Variants in ABCA9 observed in about 807,000 individuals in gnomAD.
ABCA9 encodes the protein ATP-binding cassette sub-family A member 9.
ABCA9 carries 183 observed loss-of-function variants against 205.3 expected under a neutral mutation model. The ratio of observed to expected loss-of-function variants is 0.89; its 90% CI spans 0.79 to 1.01. ABCA9 has a LOEUF of 1.01. Ranked by LOEUF, ABCA9 falls within the 50% of genes least tolerant of loss-of-function variation. The pLI is 0.00. For synonymous variants in ABCA9, 651 were observed against 683.3 expected, an observed-to-expected ratio of 0.95 and a Z score of 0.74; for missense variants, 1,805 against 1,912.4, an observed-to-expected ratio of 0.94 and a Z score of 1.05.
chr17:69,025,520 T>C (rs187206389), intron 16 of ABCA9, among the ~76,000 whole-genome samples: 9 of 152,100 alleles, frequency 5.9e-5, no homozygotes, highest in African/African-American at 1.2e-4. Flanking sequence ...GAGTATTCAA[T>C]AGAGGGTATT....
At position 68,975,895 on chromosome 17, in the gene ABCA9, GAT is replaced by G. The variant is rs1406540545; in HGVS notation, c.*18_*19del. ...TAAAAGAGTCACAGGATTAAAGAAA[GAT>G]ATAGGGTATTTGGAGCTTTAAGGCT... On this transcript the variant is annotated 3_prime_UTR_variant, in exon 39 of 39. Coordinates refer to ENST00000340001, the MANE Select transcript of ABCA9 (RefSeq NM_080283.4). 3 of 1,564,020 alleles carry G rather than the reference GAT, an allele frequency of 1.9e-6. No individual in the cohort carries two copies. In the Admixed American group the frequency reaches 5.1e-5, roughly 27 times the overall value.
intron 10 of ABCA9, 100 bp from the exon 11 acceptor site, chr17:69,029,327 G>T: frequency 1.5e-6 from 1 of 672,852 alleles, no homozygotes; most frequent in South Asian, 2.5e-5. Flanking sequence ...AAGAAAATCT[G>T]GGATTCTTTT....
Position 68,992,283 on chromosome 17 carries a change from AC to A in ABCA9, c.3625-18del. The A allele has an allele frequency of 7.0e-7, 1 of 1,437,940 alleles. No individual in the cohort carries two copies. 89.1% of individuals were successfully genotyped at this position (1,437,940 alleles called of 1,614,324 possible). A position where few individuals can be genotyped will look rare whatever the true frequency, so the allele number is the denominator to read the frequency against. On this transcript the variant is annotated intron_variant, in intron 27 of 38. Coordinates refer to ENST00000340001, the MANE Select transcript of ABCA9 (RefSeq NM_080283.4). The stretch of plus-strand genomic sequence containing the variant: ...AAGGTAAGGCTAGGGAAAAAGAAAG[AC>A]AATCACAATTAGTATCACTATAAAT...
At chr17:69,039,059 A>C (rs1239444398) in intron 6 of ABCA9, among the ~76,000 whole-genome samples, 1 of 152,228 alleles carries the variant, frequency 6.6e-6, no homozygotes, top group East Asian at 1.9e-4. Flanking sequence ...CAAGGAAATA[A>C]AAGAGGACAC....
chr17:69,051,639 G>A (rs2071904868), intron 1 of ABCA9: 1 of 153,140 alleles, frequency 6.5e-6, no homozygotes, highest in Non-Finnish European at 1.5e-5. Context: ...GTAGATTATT[G>A]TGGCATGGTG....
chr17:68,986,119 C>G, intron 32 of ABCA9, 45 bp downstream of exon 32: 1 of 1,546,198 alleles, frequency 6.5e-7, no homozygotes, highest in African/African-American at 1.4e-5. Flanking sequence ...GTTATTAATA[C>G]AACATCCCCT....
In ABCA9 at chr17:68,994,399, G is replaced by A. The variant is rs562889365; in HGVS notation, c.3556-1315C>T. Among the ~76,000 whole-genome samples the A allele has an allele frequency of 2.6e-5, 4 of 152,236 alleles. No homozygotes were observed. In the East Asian group the frequency reaches 7.7e-4, roughly 29 times the overall value. ...TCTTTGTCAAATTTGCCTGCCAAGT[G>A]TCCAACCCTGATTGAACCCAACTCT... On this transcript the variant is annotated intron_variant, in intron 26 of 38. Transcript: ENST00000340001.
upstream of ABCA9, among the ~76,000 whole-genome samples, chr17:69,063,617 T>TTG (rs1432356189): frequency 1.3e-5 from 2 of 151,548 alleles, no homozygotes; most frequent in Admixed American, 6.6e-5. Context: ...TTGTTTTTTT[T>TTG]TGTGTGTGTG....
In ABCA9 at chr17:69,011,286, AGT is replaced by A. The variant is rs377377250; in HGVS notation, c.3147+688_3147+689del. Among the ~76,000 whole-genome samples the A allele has an allele frequency of 1.8e-4, 28 of 152,296 alleles. No individual in the cohort carries two copies. The East Asian group carries it at 3.7e-3, about 20-fold the overall frequency. On this transcript the variant is annotated intron_variant, in intron 23 of 38. Coordinates refer to ENST00000340001, the MANE Select transcript of ABCA9 (RefSeq NM_080283.4). ...ACTCAGAGGAGTTTACCCCAAAAAA[AGT>A]GTGAGAAAGAGTGACAAGAGCAGGA... is the stretch of plus-strand genomic sequence containing the variant.
intron 6 of ABCA9, among the ~76,000 whole-genome samples, chr17:69,037,782 G>GT (rs776012448): frequency 1.8e-4 from 28 of 151,844 alleles, no homozygotes; most frequent in East Asian, 7.7e-4. Context: ...TCCAGGAGCT[G>GT]TTTTTTTTAA....
intron 21 of ABCA9, 79 bp downstream of exon 21, chr17:69,017,573 TTTCA>T: frequency 6.7e-7 from 1 of 1,499,162 alleles, no homozygotes. Flanking sequence ...GAAATTGGCC[TTTCA>T]TTCAGCTGAT....
chr17:69,008,276 G>A, intron 23 of ABCA9, 41 bp from the exon 24 acceptor site: 1 of 1,574,034 alleles, frequency 6.4e-7, no homozygotes, highest in Non-Finnish European at 8.6e-7. Context: ...GTTCTGAAGA[G>A]CTGAAGTTTG....
chr17:68,989,696 C>T, intron 30 of ABCA9, 117 bp downstream of exon 30: 1 of 622,688 alleles, frequency 1.6e-6, no homozygotes, highest in Non-Finnish European at 2.8e-6. Flanking sequence ...GCAGGAGGAG[C>T]AGGCTTAGCC....
Position 69,012,061 on chromosome 17 carries a change from C to G in ABCA9, c.3062G>C (p.Gly1021Ala). Residue 1021 changes from glycine to alanine, a missense_variant, in exon 23 of 39, where the codon GGG becomes GCG. Coordinates refer to ENST00000340001, the MANE Select transcript of ABCA9 (RefSeq NM_080283.4). ...FFEEHMDYEYGYRSNTFFWIP... is the reference protein window; with the variant it reads ...FFEEHMDYEYAYRSNTFFWIP... ...CCAGAAGAAGGTGTTACTTCGGTACCCATACTCATAATCCATATGCTCCTG... is the reference window on the plus strand; with the variant it reads ...CCAGAAGAAGGTGTTACTTCGGTACGCATACTCATAATCCATATGCTCCTG... 6.2e-7 allele frequency: 1 copy of G among 1,612,516 alleles called. No homozygotes were observed. Among genetic ancestry groups the G allele is most frequent in the Non-Finnish European group, 8.5e-7 (1 of 1,179,206 alleles).
the ABCA9 span, among the ~76,000 whole-genome samples, chr17:69,074,048 T>A: frequency 6.6e-6 from 1 of 152,094 alleles, no homozygotes; most frequent in Non-Finnish European, 1.5e-5. Flanking sequence ...TATCACCTGG[T>A]TTTCTTAGCT....
Position 68,989,874 on chromosome 17 carries a change from A to G in ABCA9, c.3894T>C (p.Asn1298=), listed in dbSNP as rs145239580. 112 of 1,613,280 alleles carry G rather than the reference A, an allele frequency of 6.9e-5. No individual in the cohort carries two copies. The highest frequency in any genetic ancestry group is 1.7e-4 in the Admixed American group (10 of 59,916). The change falls in exon 30 of 39, where the codon AAT becomes AAC. Residue 1298 remains asparagine, a synonymous_variant. Transcript: ENST00000340001. ...LRKEYAGKKK[N]CFSKRKKKIA... ...TTTTTTTCTTCCTTTTAGAAAAGCAATTTTTCTTTTTGCCTGCATATTCCT... is the reference window on the plus strand; with the variant it reads ...TTTTTTTCTTCCTTTTAGAAAAGCAGTTTTTCTTTTTGCCTGCATATTCCT...
chr17:69,009,770 A>G (rs2070301139), intron 23 of ABCA9, among the ~76,000 whole-genome samples: 2 of 152,298 alleles, frequency 1.3e-5, no homozygotes, highest in Non-Finnish European at 1.5e-5. Context: ...AAAACTTTCT[A>G]GAAAGATTCC....
At chr17:69,043,755 C>A (rs2071624752) in intron 5 of ABCA9, 40 bp from the exon 6 acceptor site, 3 of 1,475,878 alleles carry the variant, frequency 2.0e-6, no homozygotes, top group African/African-American at 1.4e-5. Context: ...TATCATCAAT[C>A]TAATTCCAAC....
intron 25 of ABCA9, among the ~76,000 whole-genome samples, chr17:69,001,779 T>C (rs1211673962): frequency 6.6e-6 from 1 of 151,616 alleles, no homozygotes; most frequent in African/African-American, 2.4e-5. Flanking sequence ...CTATTGATTA[T>C]TGCCACAATT....
Sources: gnomAD v4.1 joint callset for allele counts (sites outside exome capture counted in the v4.1 genomes callset) on GRCh38, gnomAD v4.1.1 for gene constraint, MANE v1.5 for transcripts, NCBI Gene and HGNC (gene_info 2026-07-23, HGNC 2026-07-21) for gene names.